The following TUSC3 variants were observed in gnomAD, a reference collection of about 807,000 sequenced individuals.
TUSC3 encodes dolichyl-diphosphooligosaccharide--protein glycosyltransferase subunit TUSC3.
In TUSC3, 45 loss-of-function variants were observed where a neutral mutation model predicts 44.8. That is an observed-to-expected ratio of 1.00 (90% CI 0.79 to 1.29). The LOEUF (loss-of-function observed/expected upper bound fraction) is 1.29, where lower values mean the gene tolerates loss of function less well. TUSC3 is among the 50% of genes most tolerant of loss of function. TUSC3 has a pLI of 0.00. For missense variants in TUSC3, 519 were observed against 437.9 expected (o/e 1.19, Z -1.65); for synonymous variants, 212 against 152.9 (o/e 1.39, Z -2.85).
intron 2 of TUSC3, among the ~76,000 whole-genome samples, chr8:15,649,386 C>T (rs950033806): frequency 6.6e-6 from 1 of 151,822 alleles, no homozygotes; most frequent in African/African-American, 2.4e-5. Flanking sequence ...AGATCGAGAC[C>T]ATCCTGGCTA....
chr8:15,834,628 T>C, the TUSC3 span, among the ~76,000 whole-genome samples: 2 of 152,214 alleles, frequency 1.3e-5, no homozygotes, highest in Admixed American at 1.3e-4. Context: ...CTTTTTTCTA[T>C]GGATATGGCA....
chr8:15,780,482 A>G, the TUSC3 span, among the ~76,000 whole-genome samples: 21 of 152,192 alleles, frequency 1.4e-4, no homozygotes, highest in African/African-American at 4.6e-4. Context: ...ATGGACACAC[A>G]AACACTTGCA....
At chr8:15,478,628 T>G (rs1443555163) in intron 1 of TUSC3, among the ~76,000 whole-genome samples, 3 of 152,200 alleles carry the variant, frequency 2.0e-5, no homozygotes, top group Non-Finnish European at 4.4e-5. Context: ...TATGGCTGCA[T>G]AGTATTCCAT....
At position 15,483,317 on chromosome 8, in the gene TUSC3, T is replaced by TTTTG. The variant is rs1039171489; in HGVS notation, n.92-67_92-66insTGTT. On this transcript the variant is annotated intron_variant and non_coding_transcript_variant, in intron 1 of 5. Coordinates refer to the TUSC3 transcript ENST00000503191. Reference sequence around the variant, plus strand: ...TGAAGAATAAAGAAAAAGCACTGTTTTTGTTGTTGTTGTTGTTGTTTTGTT... The same window carrying TTTTG: ...TGAAGAATAAAGAAAAAGCACTGTTTTTTGTTGTTGTTGTTGTTGTTGTTTTGTT... The TTTTG allele has an allele frequency of 5.9e-5, 13 of 220,672 alleles. 1 individual carries two copies. Among genetic ancestry groups the TTTTG allele is most frequent in the Middle Eastern group, 1.9e-3 (1 of 538 alleles). 13.7% of individuals were successfully genotyped at this position (220,672 alleles called of 1,614,324 possible). A position where few individuals can be genotyped will look rare whatever the true frequency, so the allele number is the denominator to read the frequency against.
At chr8:15,775,702 A>G in the TUSC3 span, among the ~76,000 whole-genome samples, 2 of 146,472 alleles carry the variant, frequency 1.4e-5, no homozygotes, top group African/African-American at 2.5e-5. Context: ...ACACACACAT[A>G]TATACATATA....
At chr8:15,793,308 A>G in the TUSC3 span, among the ~76,000 whole-genome samples, 2 of 152,212 alleles carry the variant, frequency 1.3e-5, no homozygotes, top group East Asian at 3.9e-4. Flanking sequence ...AAGACTCGAC[A>G]TGATTCAGCC....
At chr8:15,450,343 G>A (rs1378337902) in intron 1 of TUSC3, among the ~76,000 whole-genome samples, 2 of 151,924 alleles carry the variant, frequency 1.3e-5, no homozygotes. Flanking sequence ...ACATTTTTTG[G>A]TAAATTGAGT....
At chr8:15,776,325 T>C in the TUSC3 span, among the ~76,000 whole-genome samples, 2 of 152,148 alleles carry the variant, frequency 1.3e-5, no homozygotes, top group African/African-American at 4.8e-5. Context: ...ACGTTTTTAT[T>C]TATTTTATGA....
intron 1 of TUSC3, among the ~76,000 whole-genome samples, chr8:15,456,895 A>G (rs1421019668): frequency 1.3e-5 from 2 of 152,198 alleles, no homozygotes; most frequent in Non-Finnish European, 2.9e-5. Context: ...TACCAAAAGC[A>G]TTGACTTGAA....
intron 6 of TUSC3, among the ~76,000 whole-genome samples, chr8:15,703,953 G>A (rs958467064): frequency 3.3e-5 from 5 of 152,202 alleles, no homozygotes; most frequent in South Asian, 2.1e-4. Context: ...CTGGCTTGGC[G>A]CACTGCAAAA....
intron 2 of TUSC3, among the ~76,000 whole-genome samples, chr8:15,642,802 AT>A (rs1806437805): frequency 6.6e-6 from 1 of 151,444 alleles, no homozygotes; most frequent in Admixed American, 6.6e-5. Flanking sequence ...ATTATTTAAG[AT>A]TATAAGTGTT....
At chr8:15,639,821 A>C (rs1202656089) in intron 2 of TUSC3, among the ~76,000 whole-genome samples, 1 of 148,600 alleles carries the variant, frequency 6.7e-6, no homozygotes, top group Non-Finnish European at 1.5e-5. Flanking sequence ...GACTTAGTAC[A>C]GTCAGTCAAT....
the TUSC3 span, among the ~76,000 whole-genome samples, chr8:15,840,542 GA>G: frequency 5.9e-5 from 9 of 152,196 alleles, no homozygotes; most frequent in Admixed American, 3.3e-4. Flanking sequence ...TCAATTTAGT[GA>G]AAGAATAAGA....
intron 2 of TUSC3, among the ~76,000 whole-genome samples, chr8:15,636,610 A>C (rs142797478): frequency 1.0e-3 from 153 of 152,326 alleles, no homozygotes; most frequent in African/African-American, 3.6e-3. Context: ...TGGAGACTGT[A>C]GTTGGAAGCA....
the TUSC3 span, among the ~76,000 whole-genome samples, chr8:15,831,992 C>G: frequency 8.3e-4 from 127 of 152,224 alleles, no homozygotes; most frequent in Middle Eastern, 3.4e-3. Context: ...ACATAGTCAT[C>G]AGATTCTCCA....
chr8:15,665,900 A>G (rs768447026), intron 5 of TUSC3, among the ~76,000 whole-genome samples: 1 of 151,386 alleles, frequency 6.6e-6, no homozygotes, highest in Admixed American at 6.6e-5. Flanking sequence ...TAGAATATGT[A>G]TCATTGATTG....
intron 10 of TUSC3, among the ~76,000 whole-genome samples, chr8:15,761,727 G>T (rs1398368948): frequency 6.6e-6 from 1 of 152,070 alleles, no homozygotes; most frequent in Non-Finnish European, 1.5e-5. Context: ...GAAGCAGACC[G>T]CAAAAGTGAA....
At chr8:15,533,479 A>G (rs985940435) in intron 2 of TUSC3, among the ~76,000 whole-genome samples, 2 of 152,206 alleles carry the variant, frequency 1.3e-5, no homozygotes, top group African/African-American at 2.4e-5. Flanking sequence ...TTATATTGCT[A>G]GGGTGAAATT....
At chr8:15,690,268 T>TA (rs1808840668) in intron 6 of TUSC3, among the ~76,000 whole-genome samples, 1 of 152,226 alleles carries the variant, frequency 6.6e-6, no homozygotes, top group Non-Finnish European at 1.5e-5. Context: ...TTAACGCTGT[T>TA]GAGCATTTCT....
Sources: gnomAD v4.1 joint callset for allele counts (sites outside exome capture counted in the v4.1 genomes callset) on GRCh38, gnomAD v4.1.1 for gene constraint, MANE v1.5 for transcripts, NCBI Gene and HGNC (gene_info 2026-07-23, HGNC 2026-07-21) for gene names.